Variants in ARL6IP5 observed in about 807,000 individuals in gnomAD.
ARL6IP5 encodes the protein ARF like GTPase 6 interacting protein 5.
ARL6IP5 carries 6 observed loss-of-function variants against 13.0 expected under a neutral mutation model. The ratio of observed to expected loss-of-function variants is 0.46; its 90% CI spans 0.25 to 0.91. ARL6IP5 has a LOEUF of 0.91. Among genes scored for constraint, ARL6IP5 ranks in the 40% least tolerant of loss-of-function variants. The pLI is 0.17. For missense variants in ARL6IP5, 208 were observed against 248.8 expected (o/e 0.84, Z 1.10); for synonymous variants, 91 against 91.9 (o/e 0.99, Z 0.06).
intron 2 of ARL6IP5, among the ~76,000 whole-genome samples, chr3:69,103,438 G>A (rs1016458303): frequency 6.6e-6 from 1 of 152,176 alleles, no homozygotes; most frequent in African/African-American, 2.4e-5. Context: ...ACGGATAATT[G>A]TGACAAGCAT....
intron 1 of ARL6IP5, among the ~76,000 whole-genome samples, chr3:69,093,131 C>A (rs555952537): frequency 2.4e-3 from 372 of 152,242 alleles, no homozygotes; most frequent in Non-Finnish European, 4.1e-3. Context: ...CCGAGTCCAA[C>A]CTGTTGTTTA....
At chr3:69,102,835 G>T (rs1220502323) in intron 2 of ARL6IP5, among the ~76,000 whole-genome samples, 1 of 152,106 alleles carries the variant, frequency 6.6e-6, no homozygotes, top group Admixed American at 6.5e-5. Context: ...CAGAATATAG[G>T]TACTAAATAC....
chr3:69,086,447 C>T (rs2092247773), intron 1 of ARL6IP5, among the ~76,000 whole-genome samples: 2 of 151,694 alleles, frequency 1.3e-5, no homozygotes, highest in African/African-American at 4.9e-5. Context: ...CAGCAATCAC[C>T]CCCATGCAGA....
intron 1 of ARL6IP5, among the ~76,000 whole-genome samples, chr3:69,086,902 T>C (rs1229069574): frequency 3.3e-5 from 5 of 152,004 alleles, no homozygotes; most frequent in Non-Finnish European, 7.4e-5. Context: ...TTTGTATTTT[T>C]AGTAGAGACA....
intron 1 of ARL6IP5, among the ~76,000 whole-genome samples, chr3:69,090,597 T>C (rs970688180): frequency 6.6e-6 from 1 of 152,208 alleles, no homozygotes; most frequent in African/African-American, 2.4e-5. Flanking sequence ...AGGGGAGGCA[T>C]TGAGTATGTA....
intron 1 of ARL6IP5, among the ~76,000 whole-genome samples, chr3:69,097,576 T>C (rs774853494): frequency 2.0e-5 from 3 of 152,180 alleles, no homozygotes; most frequent in Non-Finnish European, 4.4e-5. Context: ...TGAAGGGGAT[T>C]GTGGTTTTGA....
chr3:69,086,930 C>T (rs755105330), intron 1 of ARL6IP5, among the ~76,000 whole-genome samples: 1 of 152,024 alleles, frequency 6.6e-6, no homozygotes, highest in Admixed American at 6.6e-5. Flanking sequence ...ACCATGTTGG[C>T]CAGGTGATCT....
intron 1 of ARL6IP5, among the ~76,000 whole-genome samples, chr3:69,097,332 G>A (rs2107513573): frequency 6.7e-6 from 1 of 149,004 alleles, no homozygotes; most frequent in Non-Finnish European, 1.5e-5. Context: ...GCTAATTTTT[G>A]TGGGGTGTTT....
intron 2 of ARL6IP5, 55 bp downstream of exon 2, chr3:69,102,111 C>T: frequency 1.3e-6 from 2 of 1,560,870 alleles, no homozygotes; most frequent in Non-Finnish European, 1.8e-6. Context: ...AAGCAATTAT[C>T]CAACGGGAAT....
chr3:69,101,965 C>G lies in ARL6IP5; in HGVS notation c.303C>G (p.Phe101Leu), dbSNP rs753914980. 2 of 1,614,032 alleles carry G rather than the reference C, an allele frequency of 1.2e-6. No homozygotes were observed. Among genetic ancestry groups the G allele is most frequent in the Non-Finnish European group, 8.5e-7 (1 of 1,180,018 alleles). The change falls in exon 2 of 3, where the codon TTC becomes TTG. Residue 101 changes from phenylalanine to leucine, a missense_variant. Transcript: ENST00000273258. ...RRMKKRYPTT[F>L]VMVVMLASYF... is the part of the protein sequence containing the mutation. ...TGAAGAAGCGCTACCCCACGACGTT[C>G]GTTATGGTGGTCATGTTGGCGAGCT...
Position 69,105,728 on chromosome 3 carries a change from T to C in ARL6IP5, c.*1092T>C, listed in dbSNP as rs1396742954. 1 of 152,266 alleles carries C rather than the reference T, an allele frequency of 6.6e-6. No individual in the cohort carries two copies. The highest frequency in any genetic ancestry group is 1.5e-5 in the Non-Finnish European group (1 of 68,046). 9.4% of individuals were successfully genotyped at this position (152,266 alleles called of 1,614,324 possible). A position where few individuals can be genotyped will look rare whatever the true frequency, so the allele number is the denominator to read the frequency against. ...TTAGAATTATGATAGCATGAGTTTATACATTCTATTATTTTTCCTCCCTTT... is the reference window on the plus strand; with the variant it reads ...TTAGAATTATGATAGCATGAGTTTACACATTCTATTATTTTTCCTCCCTTT... On this transcript the variant is annotated 3_prime_UTR_variant, in exon 3 of 3. Transcript: ENST00000273258.
chr3:69,091,888 C>G (rs1253700382), intron 1 of ARL6IP5, among the ~76,000 whole-genome samples: 2 of 152,056 alleles, frequency 1.3e-5, no homozygotes, highest in Non-Finnish European at 2.9e-5. Flanking sequence ...CCATTCTTGA[C>G]CTACCCACTT....
chr3:69,102,408 G>A (rs148863938), intron 2 of ARL6IP5, among the ~76,000 whole-genome samples: 1 of 152,192 alleles, frequency 6.6e-6, no homozygotes, highest in African/African-American at 2.4e-5. Flanking sequence ...TGGGACCACA[G>A]GTGCACACCC....
rs2092308632 is a variant in ARL6IP5 at position 69,102,432 on chromosome 3, T to G, written c.394+376T>G. On this transcript the variant is annotated intron_variant, in intron 2 of 2. Transcript: ENST00000273258. ...AGGTGCACACCCAGCTAATTTTTTGTGTTTTGGGTAGAGACCGGGGTTTTA... is the reference window on the plus strand; with the variant it reads ...AGGTGCACACCCAGCTAATTTTTTGGGTTTTGGGTAGAGACCGGGGTTTTA... Among the ~76,000 whole-genome samples, 4 of 152,154 alleles carry G rather than the reference T, an allele frequency of 2.6e-5. 1 individual carries two copies. In the South Asian group the frequency reaches 8.3e-4, roughly 31 times the overall value.
chr3:69,085,170 C>G lies in ARL6IP5; in HGVS notation c.123C>G (p.Leu41=). Residue 41 remains leucine, a synonymous_variant, in exon 1 of 3, where the codon CTC becomes CTG. Transcript: ENST00000273258. ...ACAACCGCGTAGTGAGCAACCTGCT[C>G]TATTACCAGACCAACTACCTGGTGG... ...KWNNRVVSNL[L]YYQTNYLVVA... The G allele has an allele frequency of 6.2e-7, 1 of 1,614,206 alleles. No individual in the cohort carries two copies. Among genetic ancestry groups the G allele is most frequent in the Non-Finnish European group, 8.5e-7 (1 of 1,180,034 alleles).
intron 1 of ARL6IP5, among the ~76,000 whole-genome samples, chr3:69,101,397 A>G (rs2107515166): frequency 7.0e-6 from 1 of 143,752 alleles, no homozygotes; most frequent in East Asian, 2.2e-4. Context: ...ATCTTGGCTC[A>G]CTGGAGACTC....
chr3:69,102,884 T>A (rs1418124318), intron 2 of ARL6IP5, among the ~76,000 whole-genome samples: 1 of 152,138 alleles, frequency 6.6e-6, no homozygotes, highest in Non-Finnish European at 1.5e-5. Context: ...TCTCTAAGTT[T>A]TACATGAATT....
At chr3:69,098,240 C>CT (rs34413250) in intron 1 of ARL6IP5, among the ~76,000 whole-genome samples, 35,382 of 71,770 alleles carry the variant, frequency 0.49, 10,256 homozygotes, top group African/African-American at 0.63. Flanking sequence ...CCATACCTGG[C>CT]TTTTTTTTTT....
intron 1 of ARL6IP5, among the ~76,000 whole-genome samples, chr3:69,085,775 C>T (rs1007573562): frequency 6.6e-6 from 1 of 152,070 alleles, no homozygotes; most frequent in South Asian, 2.1e-4. Flanking sequence ...GGCGCATCTC[C>T]CATTGTGGGG....
Sources: allele counts gnomAD v4.1 joint callset (sites outside exome capture counted in the v4.1 genomes callset), GRCh38; gene constraint gnomAD v4.1.1; transcripts MANE v1.5; gene names NCBI Gene and HGNC (gene_info 2026-07-23, HGNC 2026-07-21).